The following NRG1 variants were observed in gnomAD, a reference collection of about 807,000 sequenced individuals.
NRG1 encodes the protein pro-neuregulin-1, membrane-bound isoform.
In NRG1, 18 loss-of-function variants were observed where a neutral mutation model predicts 63.8. That is an observed-to-expected ratio of 0.28 (90% confidence interval 0.19 to 0.42). The LOEUF is 0.42. Among genes scored for constraint, NRG1 ranks in the 10% least tolerant of loss-of-function variants. NRG1 has a pLI of 1.00. For missense variants in NRG1, 762 were observed against 814.7 expected, an observed-to-expected ratio of 0.94 and a Z score of 0.79; for synonymous variants, 302 against 301.3, an observed-to-expected ratio of 1.00 and a Z score of -0.02.
intron 1 of NRG1, among the ~76,000 whole-genome samples, chr8:31,741,793 G>A (rs1286724195): frequency 6.6e-6 from 1 of 151,980 alleles, no homozygotes; most frequent in East Asian, 1.9e-4. Flanking sequence ...TAGCTGTAAA[G>A]TTTGAAGATA....
intron 1 of NRG1, among the ~76,000 whole-genome samples, chr8:32,155,306 A>G (rs958487779): frequency 1.3e-5 from 2 of 152,190 alleles, no homozygotes; most frequent in East Asian, 3.9e-4. Flanking sequence ...AATGGTCTCT[A>G]AATTTACTTT....
chr8:32,706,996 T>C (rs1816594899), intron 5 of NRG1, among the ~76,000 whole-genome samples: 1 of 152,056 alleles, frequency 6.6e-6, no homozygotes, highest in African/African-American at 2.4e-5. Flanking sequence ...ATAAAGCCAG[T>C]TTATTTATTT....
At chr8:32,251,868 A>G (rs1849150425) in intron 1 of NRG1, among the ~76,000 whole-genome samples, 2 of 147,272 alleles carry the variant, frequency 1.4e-5, no homozygotes. Context: ...TGTTAGCCGC[A>G]TAATGGTCAT....
intron 1 of NRG1, among the ~76,000 whole-genome samples, chr8:32,291,959 C>A (rs1447519490): frequency 6.6e-6 from 1 of 152,156 alleles, no homozygotes; most frequent in Non-Finnish European, 1.5e-5. Flanking sequence ...TATAGCATAC[C>A]TTCTCAGAGA....
At chr8:32,021,951 T>C (rs1279172462) in intron 1 of NRG1, among the ~76,000 whole-genome samples, 1 of 152,176 alleles carries the variant, frequency 6.6e-6, no homozygotes, top group Non-Finnish European at 1.5e-5. Flanking sequence ...TAGTTATCAA[T>C]GGCAATTTGG....
rs1020458255 is a variant in NRG1, at chr8:31,799,295, A to G, written c.37+159864A>G. Among the ~76,000 whole-genome samples the G allele has an allele frequency of 2.0e-5, 3 of 152,116 alleles. No homozygotes were observed. The South Asian group carries it at 6.2e-4, about 31-fold the overall frequency. On this transcript the variant is annotated intron_variant, in intron 1 of 10. Coordinates refer to the NRG1 transcript ENST00000519301. ...GTTGAAGAAAGTCAAACTGAAGCAAAATTTGAAGGCTTCTATATTAATGAT... is the reference window on the plus strand; with the variant it reads ...GTTGAAGAAAGTCAAACTGAAGCAAGATTTGAAGGCTTCTATATTAATGAT...
chr8:32,727,629 A>T (rs1822540770), intron 5 of NRG1, among the ~76,000 whole-genome samples: 1 of 152,218 alleles, frequency 6.6e-6, no homozygotes, highest in Admixed American at 6.5e-5. Flanking sequence ...TTCCTGAGAA[A>T]TGTATTTTGC....
intron 1 of NRG1, among the ~76,000 whole-genome samples, chr8:32,205,101 A>C (rs1431443313): frequency 6.6e-6 from 1 of 152,228 alleles, no homozygotes; most frequent in African/African-American, 2.4e-5. Flanking sequence ...TTAAGTAAAC[A>C]TATCATATAA....
chr8:31,740,218 G>T (rs1213546355), intron 1 of NRG1, among the ~76,000 whole-genome samples: 1 of 151,788 alleles, frequency 6.6e-6, no homozygotes, highest in Non-Finnish European at 1.5e-5. Flanking sequence ...CCCATGCATG[G>T]GACTGAAGAG....
At chr8:32,080,447 A>G (rs1827271520) in intron 1 of NRG1, among the ~76,000 whole-genome samples, 1 of 152,176 alleles carries the variant, frequency 6.6e-6, no homozygotes, top group South Asian at 2.1e-4. Flanking sequence ...AAGTGACTAC[A>G]CCTAAGCTCA....
intron 1 of NRG1, among the ~76,000 whole-genome samples, chr8:31,704,977 A>G (rs1002084731): frequency 6.6e-6 from 1 of 152,160 alleles, no homozygotes; most frequent in African/African-American, 2.4e-5. Context: ...TTTTGAAATA[A>G]AATTCTACAC....
chr8:31,926,635 T>A (rs1834381239), intron 1 of NRG1, among the ~76,000 whole-genome samples: 1 of 152,180 alleles, frequency 6.6e-6, no homozygotes, highest in Non-Finnish European at 1.5e-5. Context: ...TGATAAAAAT[T>A]GTTCTCTCAG....
chr8:32,322,164 G>A (rs944570929), intron 1 of NRG1, among the ~76,000 whole-genome samples: 2 of 151,120 alleles, frequency 1.3e-5, no homozygotes, highest in African/African-American at 4.9e-5. Context: ...ACTCCAGCCT[G>A]GACAACATAG....
chr8:31,780,338 G>A (rs1042485367), intron 1 of NRG1, among the ~76,000 whole-genome samples: 1 of 152,050 alleles, frequency 6.6e-6, no homozygotes, highest in African/African-American at 2.4e-5. Context: ...CACATTTTGG[G>A]CTGATCATCT....
intron 1 of NRG1, among the ~76,000 whole-genome samples, chr8:32,399,341 C>A (rs1812861466): frequency 6.6e-6 from 1 of 152,176 alleles, no homozygotes. Context: ...TTTAAAATTT[C>A]CCTCGACTCA....
At chr8:32,559,551 T>TA (rs1427337750) in intron 1 of NRG1, among the ~76,000 whole-genome samples, 3 of 152,210 alleles carry the variant, frequency 2.0e-5, no homozygotes, top group African/African-American at 7.2e-5. Flanking sequence ...AAAATGTTCT[T>TA]ATGTACTTTT....
At chr8:32,352,309 T>G (rs184498777) in intron 1 of NRG1, among the ~76,000 whole-genome samples, 1 of 152,160 alleles carries the variant, frequency 6.6e-6, no homozygotes, top group African/African-American at 2.4e-5. Flanking sequence ...CTCTTAGGAC[T>G]GCCATTAACT....
intron 1 of NRG1, chr8:31,639,753 T>C (rs939080796): frequency 3.1e-6 from 4 of 1,300,312 alleles, no homozygotes; most frequent in Non-Finnish European, 3.9e-6. Flanking sequence ...ATTTTGCCTT[T>C]TTTTTTTTTG....
intron 1 of NRG1, among the ~76,000 whole-genome samples, chr8:32,018,139 A>G (rs1815855619): frequency 1.3e-5 from 2 of 152,204 alleles, no homozygotes; most frequent in African/African-American, 4.8e-5. Context: ...AATATCACAG[A>G]CACATGCATA....
Sources: allele counts gnomAD v4.1 joint callset (sites outside exome capture counted in the v4.1 genomes callset), GRCh38; gene constraint gnomAD v4.1.1; transcripts MANE v1.5; gene names NCBI Gene and HGNC (gene_info 2026-07-23, HGNC 2026-07-21).